LNPK: variants seen among roughly 807,000 people sequenced by gnomAD.
LNPK encodes endoplasmic reticulum junction formation protein lunapark.
A neutral mutation model predicts 55.2 loss-of-function variants in LNPK; 29 were observed. The ratio of observed to expected loss-of-function variants is 0.53; its 90% confidence interval spans 0.39 to 0.72. The LOEUF is 0.72. Among genes scored for constraint, LNPK ranks in the 30% least tolerant of loss-of-function variants. LNPK has a pLI of 0.00. For synonymous variants in LNPK, 162 were observed against 168.2 expected (o/e 0.96, Z 0.29); for missense variants, 467 against 494.8 (o/e 0.94, Z 0.53).
intron 6 of LNPK, among the ~76,000 whole-genome samples, chr2:175,965,432 T>C (rs1253174536): frequency 3.9e-5 from 6 of 152,188 alleles, no homozygotes; most frequent in Admixed American, 3.9e-4. Context: ...AATGACAAAT[T>C]ACCTAATATG....
rs1421283218 is a variant in LNPK at position 175,939,164 on chromosome 2, A to G, written c.812+388T>C. On this transcript the variant is annotated intron_variant, in intron 10 of 12. Transcript: ENST00000272748. ...AGAATAATTGGAAAAGCATTTTGAG[A>G]AATAAATACATGCAAATTGCTCTTA... Among the ~76,000 whole-genome samples, 3 of 152,146 alleles carry G rather than the reference A, an allele frequency of 2.0e-5. No homozygotes were observed. The East Asian group carries it at 5.8e-4, about 29-fold the overall frequency.
At chr2:175,965,665 T>C (rs1322171830) in intron 6 of LNPK, among the ~76,000 whole-genome samples, 1 of 152,198 alleles carries the variant, frequency 6.6e-6, no homozygotes, top group Non-Finnish European at 1.5e-5. Context: ...GGTACTTAGA[T>C]GAATGATTTA....
In LNPK at chr2:176,002,229, G is replaced by T. The variant is rs1012858951; in HGVS notation, c.-132C>A. On this transcript the variant is annotated 5_prime_UTR_variant, in exon 1 of 13. Coordinates refer to ENST00000272748, the MANE Select transcript of LNPK (RefSeq NM_030650.3). The stretch of plus-strand genomic sequence containing the variant: ...AGTCTCGGCCGCCACCGCCCAGCCT[G>T]CCTCCAGAGCAGGCAGCAGCCGCCA... The T allele has an allele frequency of 1.5e-5, 7 of 451,938 alleles. No homozygotes were observed. The highest frequency in any genetic ancestry group is 3.1e-5 in the Non-Finnish European group (7 of 225,790). 28.0% of individuals were successfully genotyped at this position (451,938 alleles called of 1,614,324 possible). A position where few individuals can be genotyped will look rare whatever the true frequency, so the allele number is the denominator to read the frequency against.
At chr2:175,963,674 G>A (rs540504591) in intron 8 of LNPK, among the ~76,000 whole-genome samples, 1 of 151,862 alleles carries the variant, frequency 6.6e-6, no homozygotes, top group African/African-American at 2.4e-5. Context: ...TGCACATTGT[G>A]TACATGTACC....
intron 12 of LNPK, among the ~76,000 whole-genome samples, chr2:175,935,499 A>G (rs1684500019): frequency 6.6e-6 from 1 of 152,244 alleles, no homozygotes; most frequent in East Asian, 1.9e-4. Flanking sequence ...TGTGTGTCAC[A>G]GTGTTGAGTT....
Position 175,964,511 on chromosome 2 carries a change from C to T in LNPK, c.436G>A (p.Ala146Thr), listed in dbSNP as rs558839080. The T allele has an allele frequency of 1.9e-6, 3 of 1,604,978 alleles. No individual in the cohort carries two copies. The Admixed American group carries it at 5.0e-5, about 27-fold the overall frequency. The change falls in exon 7 of 13, where the codon GCA becomes ACA. Residue 146 changes from alanine (A) to threonine (T), a missense_variant. By Grantham distance (58) the Ala-to-Thr change is moderately conservative. Coordinates refer to ENST00000272748, the MANE Select transcript of LNPK (RefSeq NM_030650.3). ...TAGTGATATCACAGTCTTACCTTTG[C>T]TTTCTTTGAGTCCGGATCAAACCTT... is the stretch of plus-strand genomic sequence containing the variant. ...LERFDPDSKKAKECEPPSAGA... is the reference protein window; with the variant it reads ...LERFDPDSKKTKECEPPSAGA...
At chr2:175,992,889 C>G (rs1037286880) in intron 3 of LNPK, among the ~76,000 whole-genome samples, 5 of 152,092 alleles carry the variant, frequency 3.3e-5, no homozygotes, top group Non-Finnish European at 1.5e-5. Flanking sequence ...ATTTTGTAGA[C>G]TGATAAAAAC....
At chr2:175,934,168 A>T (rs753506194) in intron 12 of LNPK, among the ~76,000 whole-genome samples, 2 of 152,236 alleles carry the variant, frequency 1.3e-5, no homozygotes, top group Non-Finnish European at 2.9e-5. Flanking sequence ...AAGGCTGCAC[A>T]TAAGTAAATA....
At chr2:175,997,519 T>C (rs111538727) in intron 1 of LNPK, among the ~76,000 whole-genome samples, 7 of 152,274 alleles carry the variant, frequency 4.6e-5, no homozygotes, top group African/African-American at 1.7e-4. Context: ...TGTCTAGCAG[T>C]GTTCTGTACA....
At chr2:175,943,074 T>C (rs879766318) in intron 9 of LNPK, among the ~76,000 whole-genome samples, 9 of 151,692 alleles carry the variant, frequency 5.9e-5, no homozygotes, top group Non-Finnish European at 8.9e-5. Flanking sequence ...AATGGACGAA[T>C]TCCTTGAAAG....
At chr2:175,980,904 C>CCAA (rs1553507326) in intron 4 of LNPK, among the ~76,000 whole-genome samples, 2 of 99,584 alleles carry the variant, frequency 2.0e-5, no homozygotes, top group Admixed American at 1.1e-4. Context: ...AAGACTGTCC[C>CCAA]AAAAAAAAAA....
At chr2:175,962,412 C>T (rs1204358559) in intron 8 of LNPK, among the ~76,000 whole-genome samples, 1 of 152,118 alleles carries the variant, frequency 6.6e-6, no homozygotes, top group African/African-American at 2.4e-5. Flanking sequence ...CATCTACAAC[C>T]ATCTGATCTT....
intron 8 of LNPK, among the ~76,000 whole-genome samples, chr2:175,957,404 T>A (rs544226102): frequency 6.6e-6 from 1 of 151,804 alleles, no homozygotes; most frequent in Non-Finnish European, 1.5e-5. Flanking sequence ...CCTACCTATG[T>A]CTTCCCATGT....
intron 1 of LNPK, among the ~76,000 whole-genome samples, chr2:175,996,011 C>T (rs1687915753): frequency 6.6e-6 from 1 of 151,726 alleles, no homozygotes. Context: ...CGGGGTTTTG[C>T]TATGTTGGCC....
intron 4 of LNPK, among the ~76,000 whole-genome samples, chr2:175,982,093 A>G (rs1484840057): frequency 6.6e-6 from 1 of 152,204 alleles, no homozygotes; most frequent in Non-Finnish European, 1.5e-5. Flanking sequence ...GGGAGATAAG[A>G]GAATATAGGT....
At chr2:175,957,524 C>T (rs1685756990) in intron 8 of LNPK, among the ~76,000 whole-genome samples, 1 of 151,616 alleles carries the variant, frequency 6.6e-6, no homozygotes. Flanking sequence ...TGGACAGTTC[C>T]AAATCAATTC....
intron 2 of LNPK, chr2:175,994,152 T>G (rs1291284645): frequency 2.0e-6 from 2 of 978,836 alleles, no homozygotes; most frequent in Non-Finnish European, 2.4e-6. Context: ...TACTCAACAA[T>G]CCAAGAGGGT....
In LNPK at chr2:175,964,119, T is replaced by G. The variant is rs527468513; in HGVS notation, c.493+253A>C. On this transcript the variant is annotated intron_variant, in intron 8 of 12. Coordinates refer to ENST00000272748, the MANE Select transcript of LNPK (RefSeq NM_030650.3). ...CAAAATATTGATGAAATTATTTAAA[T>G]TTTAAAAGATTAAAACCAATGATAT... Among the ~76,000 whole-genome samples the G allele has an allele frequency of 2.0e-5, 3 of 152,308 alleles. No individual in the cohort carries two copies. The East Asian group carries it at 5.8e-4, about 29-fold the overall frequency.
chr2:175,933,754 CAG>C (rs1211468925), intron 12 of LNPK, among the ~76,000 whole-genome samples: 7 of 70,092 alleles, frequency 1.0e-4, no homozygotes, highest in African/African-American at 3.6e-4. Context: ...TTTTTTGAGA[CAG>C]AGTCTCACTC....
Sources: allele counts gnomAD v4.1 joint callset (sites outside exome capture counted in the v4.1 genomes callset), GRCh38; gene constraint gnomAD v4.1.1; transcripts MANE v1.5; gene names NCBI Gene and HGNC (gene_info 2026-07-23, HGNC 2026-07-21).